The following PPARGC1A variants were observed in gnomAD, a reference collection of about 807,000 sequenced individuals.
PPARGC1A encodes PPARG coactivator 1 alpha.
PPARGC1A carries 25 observed loss-of-function variants against 88.7 expected under a neutral mutation model. The ratio of observed to expected loss-of-function variants is 0.28; its 90% confidence interval spans 0.21 to 0.39. The LOEUF (loss-of-function observed/expected upper bound fraction) is 0.39. PPARGC1A is among the 10% of genes least tolerant of loss of function. The pLI is 1.00. For synonymous variants in PPARGC1A, 363 were observed against 355.6 expected, an observed-to-expected ratio of 1.02 and a Z score of -0.24; for missense variants, 880 against 968.7, an observed-to-expected ratio of 0.91 and a Z score of 1.22.
the PPARGC1A span, among the ~76,000 whole-genome samples, chr4:24,099,287 CAA>C: frequency 0.028 from 1,851 of 66,922 alleles, 40 homozygotes; most frequent in African/African-American, 0.075. Flanking sequence ...CTCCCTCCTG[CAA>C]AAAAAAAAAA....
the PPARGC1A span, among the ~76,000 whole-genome samples, chr4:24,226,350 G>T: frequency 6.6e-6 from 1 of 152,198 alleles, no homozygotes; most frequent in African/African-American, 2.4e-5. Context: ...CGTGGAATAA[G>T]AATTGTTTTC....
chr4:24,331,879 A>G, the PPARGC1A span, among the ~76,000 whole-genome samples: 1 of 151,862 alleles, frequency 6.6e-6, no homozygotes, highest in East Asian at 1.9e-4. Flanking sequence ...AACCCATCAT[A>G]TAGGTTTTAA....
the PPARGC1A span, among the ~76,000 whole-genome samples, chr4:24,107,531 ATCT>A: frequency 2.0e-5 from 3 of 152,194 alleles, no homozygotes; most frequent in Non-Finnish European, 4.4e-5. Flanking sequence ...TCTCTTTCAC[ATCT>A]TCTTTACTAC....
the PPARGC1A span, among the ~76,000 whole-genome samples, chr4:24,203,054 G>C: frequency 1.3e-5 from 2 of 152,168 alleles, no homozygotes; most frequent in African/African-American, 4.8e-5. Context: ...GGAGCAGTTA[G>C]GGATCCATAA....
the PPARGC1A span, among the ~76,000 whole-genome samples, chr4:24,387,938 A>AAG: frequency 2.0e-3 from 231 of 115,014 alleles, 8 homozygotes; most frequent in South Asian, 6.9e-3. Flanking sequence ...AAGAAAGAGA[A>AAG]AGAAAGAAAG....
At chr4:24,296,967 C>G in the PPARGC1A span, among the ~76,000 whole-genome samples, 1 of 151,958 alleles carries the variant, frequency 6.6e-6, no homozygotes, top group East Asian at 1.9e-4. Context: ...GTGCAGAGGA[C>G]TGTGTTAGAG....
chr4:24,029,963 G>T, the PPARGC1A span, among the ~76,000 whole-genome samples: 1 of 152,114 alleles, frequency 6.6e-6, no homozygotes, highest in Admixed American at 6.5e-5. Flanking sequence ...AGAGGGGTCT[G>T]CAAGAGGGAA....
At chr4:24,291,019 T>G in the PPARGC1A span, among the ~76,000 whole-genome samples, 79 of 152,330 alleles carry the variant, frequency 5.2e-4, no homozygotes, top group African/African-American at 1.9e-3. Context: ...TACTGTCTTA[T>G]GCACCCCATT....
chr4:24,182,843 T>C, the PPARGC1A span, among the ~76,000 whole-genome samples: 7 of 152,178 alleles, frequency 4.6e-5, no homozygotes, highest in Non-Finnish European at 1.0e-4. Flanking sequence ...AGGATAATTC[T>C]GCAAAACAAG....
chr4:23,928,520 C>T, the PPARGC1A span, among the ~76,000 whole-genome samples: 3 of 152,028 alleles, frequency 2.0e-5, no homozygotes, highest in Non-Finnish European at 4.4e-5. Flanking sequence ...ATTAGTTCCA[C>T]CATTGTGGAA....
chr4:23,796,540 TATAA>T (rs1717640523), intron 12 of PPARGC1A, among the ~76,000 whole-genome samples: 1 of 152,156 alleles, frequency 6.6e-6, no homozygotes, highest in African/African-American at 2.4e-5. Flanking sequence ...AAAGTGCAGG[TATAA>T]ATAAAGCCAT....
chr4:24,356,740 T>A, the PPARGC1A span, among the ~76,000 whole-genome samples: 4 of 152,302 alleles, frequency 2.6e-5, no homozygotes, highest in East Asian at 7.7e-4. Flanking sequence ...GGCCAAGCAG[T>A]CTAAGCTAAA....
chr4:24,032,542 T>A, the PPARGC1A span, among the ~76,000 whole-genome samples: 1 of 152,234 alleles, frequency 6.6e-6, no homozygotes, highest in African/African-American at 2.4e-5. Flanking sequence ...CACACTTCCA[T>A]CTGACATTTG....
At chr4:23,893,773 A>G (rs1380601618), upstream of PPARGC1A, among the ~76,000 whole-genome samples, 1 of 152,176 alleles carries the variant, frequency 6.6e-6, no homozygotes, top group Non-Finnish European at 1.5e-5. Context: ...GGAAAATACA[A>G]CCTCGGGAAT....
the PPARGC1A span, among the ~76,000 whole-genome samples, chr4:23,916,699 T>G: frequency 6.6e-6 from 1 of 152,220 alleles, no homozygotes; most frequent in Non-Finnish European, 1.5e-5. Context: ...CAATACTCCA[T>G]TCACAGACAG....
chr4:24,209,679 T>C, the PPARGC1A span, among the ~76,000 whole-genome samples: 447 of 152,332 alleles, frequency 2.9e-3, 2 homozygotes, highest in African/African-American at 9.5e-3. Context: ...GATTGTAGTC[T>C]ACAAAATGGG....
At chr4:23,877,537 C>CAAAAAAAAAAAA (rs11354781) in intron 2 of PPARGC1A, among the ~76,000 whole-genome samples, 3 of 49,866 alleles carry the variant, frequency 6.0e-5, no homozygotes, top group Non-Finnish European at 6.4e-5. Context: ...GACTCCATCT[C>CAAAAAAAAAAAA]AAAAAAAAAA....
intron 10 of PPARGC1A, among the ~76,000 whole-genome samples, chr4:23,802,980 G>A (rs1348936987): frequency 6.6e-6 from 1 of 151,916 alleles, no homozygotes; most frequent in African/African-American, 2.4e-5. Context: ...TTCAAATCAT[G>A]GAACAATACC....
At chr4:23,884,132 G>A (rs949889021) in intron 2 of PPARGC1A, 2 of 152,114 alleles carry the variant, frequency 1.3e-5, no homozygotes, top group Non-Finnish European at 2.9e-5. Context: ...TTATTATAGG[G>A]TAGGCTTATA....
Sources: allele counts gnomAD v4.1 joint callset (sites outside exome capture counted in the v4.1 genomes callset), GRCh38; gene constraint gnomAD v4.1.1; transcripts MANE v1.5; gene names NCBI Gene and HGNC (gene_info 2026-07-23, HGNC 2026-07-21).